The following AGBL1 variants were observed in gnomAD, a reference collection of about 807,000 sequenced individuals.
The protein encoded by AGBL1 is AGBL carboxypeptidase 1.
Under a neutral mutation model 118.9 loss-of-function variants are expected in AGBL1, and 130 were observed. The observed-to-expected ratio is 1.09, with a 90% CI of 0.95 to 1.26. The LOEUF (loss-of-function observed/expected upper bound fraction) is 1.26, where lower values mean the gene tolerates loss of function less well. AGBL1 is among the 50% of genes most tolerant of loss of function. The pLI is 0.00. For synonymous variants in AGBL1, 555 were observed against 478.9 expected (o/e 1.16, Z -2.08); for missense variants, 1,584 against 1,298.1 (o/e 1.22, Z -3.38).
At chr15:86,158,840 GC>G (rs996021385) in intron 4 of AGBL1, 92 bp from the exon 5 acceptor site, 2 of 1,023,878 alleles carry the variant, frequency 2.0e-6, no homozygotes. Context: ...TTATCAAGTT[GC>G]CCCTTAAAGA....
At chr15:86,537,018 A>C in intron 19 of AGBL1, among the ~76,000 whole-genome samples, 1 of 152,208 alleles carries the variant, frequency 6.6e-6, no homozygotes, top group East Asian at 1.9e-4. Flanking sequence ...TTCTCATCGC[A>C]GACAGTGAGG....
chr15:86,761,677 G>T, intron 22 of AGBL1, among the ~76,000 whole-genome samples: 1 of 152,032 alleles, frequency 6.6e-6, no homozygotes, highest in East Asian at 1.9e-4. Flanking sequence ...TAATGGGGTT[G>T]TTTCGTGTTT....
At chr15:87,025,063 C>A (rs552857639) in intron 24 of AGBL1, among the ~76,000 whole-genome samples, 2 of 152,100 alleles carry the variant, frequency 1.3e-5, no homozygotes, top group African/African-American at 4.8e-5. Context: ...CCTCTGAGAA[C>A]TGGAACAAGT....
chr15:86,747,796 A>G (rs1032732420), intron 22 of AGBL1, among the ~76,000 whole-genome samples: 10 of 152,170 alleles, frequency 6.6e-5, no homozygotes, highest in Non-Finnish European at 2.9e-5. Context: ...TGTCCCTACA[A>G]AGGACATGAA....
intron 1 of AGBL1, among the ~76,000 whole-genome samples, chr15:86,110,751 G>T (rs967945424): frequency 6.6e-6 from 1 of 152,160 alleles, no homozygotes; most frequent in Non-Finnish European, 1.5e-5. Flanking sequence ...GATGTGTAAT[G>T]TTCCTGATAC....
At chr15:87,028,450 C>A (rs2081755843) in intron 24 of AGBL1, among the ~76,000 whole-genome samples, 1 of 151,572 alleles carries the variant, frequency 6.6e-6, no homozygotes, top group East Asian at 1.9e-4. Context: ...CATGTGTAAA[C>A]AATAATACTT....
At chr15:86,530,640 A>C (rs2083336906) in intron 19 of AGBL1, among the ~76,000 whole-genome samples, 1 of 151,796 alleles carries the variant, frequency 6.6e-6, no homozygotes, top group African/African-American at 2.4e-5. Context: ...CTCCACCCCA[A>C]ATCAACAGAA....
intron 18 of AGBL1, among the ~76,000 whole-genome samples, chr15:86,426,431 A>G (rs1374356153): frequency 6.6e-6 from 1 of 152,218 alleles, no homozygotes; most frequent in African/African-American, 2.4e-5. Context: ...AGTGAGCACC[A>G]AGAGAAATTG....
At chr15:87,021,937 C>A (rs1010472588) in intron 24 of AGBL1, among the ~76,000 whole-genome samples, 1 of 152,078 alleles carries the variant, frequency 6.6e-6, no homozygotes, top group African/African-American at 2.4e-5. Flanking sequence ...CTGGTATTCA[C>A]GGCTGACAGA....
intron 21 of AGBL1, among the ~76,000 whole-genome samples, chr15:86,663,193 A>G (rs1004437433): frequency 1.1e-4 from 16 of 152,176 alleles, no homozygotes; most frequent in Admixed American, 7.2e-4. Context: ...CACTTCTTAC[A>G]TGATCCACCA....
chr15:86,259,984 A>G (rs1297460427), intron 9 of AGBL1, among the ~76,000 whole-genome samples: 1 of 152,262 alleles, frequency 6.6e-6, no homozygotes, highest in African/African-American at 2.4e-5. Context: ...CCCTAAACAA[A>G]TAAATAAACT....
intron 22 of AGBL1, among the ~76,000 whole-genome samples, chr15:86,688,749 T>A (rs1032548008): frequency 1.3e-5 from 2 of 152,144 alleles, no homozygotes; most frequent in African/African-American, 4.8e-5. Flanking sequence ...ATATTTGAAA[T>A]ACTAATTGGA....
rs186276265 is a variant in AGBL1 at position 86,701,095 on chromosome 15, C to T, written c.3158+26659C>T. On this transcript the variant is annotated intron_variant, in intron 22 of 22. Transcript: ENST00000614907. ...AACTTTGTTAAGAAGGTGTCAGCCT[C>T]GGATCATTTGCATTCCATTATCCAC... 7.9e-5 allele frequency among the ~76,000 whole-genome samples: 12 copies of T among 152,220 alleles called. No individual in the cohort carries two copies. The East Asian group carries it at 1.7e-3, about 22-fold the overall frequency.
At chr15:86,365,443 C>A (rs2080872420) in intron 17 of AGBL1, among the ~76,000 whole-genome samples, 1 of 151,920 alleles carries the variant, frequency 6.6e-6, no homozygotes, top group Non-Finnish European at 1.5e-5. Context: ...TGTAGATCTC[C>A]ATGTCTTTGT....
At chr15:86,346,472 G>A (rs995887801) in intron 17 of AGBL1, among the ~76,000 whole-genome samples, 1 of 151,744 alleles carries the variant, frequency 6.6e-6, no homozygotes, top group African/African-American at 2.4e-5. Flanking sequence ...TCAGCCTCCC[G>A]AGTAACTGGG....
At chr15:86,358,420 A>T (rs1396990537) in intron 17 of AGBL1, among the ~76,000 whole-genome samples, 4 of 151,454 alleles carry the variant, frequency 2.6e-5, no homozygotes, top group Non-Finnish European at 5.9e-5. Flanking sequence ...TTCTTTTTCC[A>T]TTTTTCTGTA....
At chr15:86,651,741 T>C (rs375513012) in intron 21 of AGBL1, among the ~76,000 whole-genome samples, 1 of 152,164 alleles carries the variant, frequency 6.6e-6, no homozygotes, top group East Asian at 1.9e-4. Flanking sequence ...TCTCTCTGAG[T>C]GTTGATATCT....
intron 5 of AGBL1, among the ~76,000 whole-genome samples, chr15:86,162,666 T>C (rs1445316386): frequency 1.3e-5 from 2 of 152,228 alleles, no homozygotes; most frequent in Non-Finnish European, 2.9e-5. Flanking sequence ...GGAACAGTTA[T>C]GGTCAGACTT....
intron 17 of AGBL1, among the ~76,000 whole-genome samples, chr15:86,314,014 C>A (rs1227307046): frequency 6.6e-6 from 1 of 152,218 alleles, no homozygotes; most frequent in Non-Finnish European, 1.5e-5. Flanking sequence ...ATATCAGAAT[C>A]ATAAACGCCT....
Sources: allele counts gnomAD v4.1 joint callset (sites outside exome capture counted in the v4.1 genomes callset), GRCh38; gene constraint gnomAD v4.1.1; transcripts MANE v1.5; gene names NCBI Gene and HGNC (gene_info 2026-07-23, HGNC 2026-07-21).